Variants in CAMTA1 observed in about 807,000 individuals in gnomAD.
The protein encoded by CAMTA1 is calmodulin binding transcription activator 1.
Under a neutral mutation model 170.9 loss-of-function variants are expected in CAMTA1, and 27 were observed. The observed-to-expected ratio is 0.16, with a 90% CI of 0.12 to 0.22. CAMTA1 has a LOEUF of 0.22. CAMTA1 is among the 10% of genes least tolerant of loss of function. CAMTA1 has a pLI of 1.00. For synonymous variants in CAMTA1, 833 were observed against 891.5 expected, an observed-to-expected ratio of 0.93 and a Z score of 1.17; for missense variants, 1,619 against 2,217.2, an observed-to-expected ratio of 0.73 and a Z score of 5.42.
rs183068821 is a variant in CAMTA1, at chr1:6,830,188, C to G, written c.234+4978C>G. On this transcript the variant is annotated intron_variant, in intron 3 of 22. Coordinates refer to ENST00000303635, the MANE Select transcript of CAMTA1 (RefSeq NM_015215.4). ...CGTAGCTAGGACTACAGGCGCCCAC[C>G]ACCATGCCGGGCTAGTTTTTTATAT... Among the ~76,000 whole-genome samples the G allele has an allele frequency of 5.0e-3, 763 of 151,968 alleles. 2 individuals carry two copies. Among genetic ancestry groups the G allele is most frequent in the Non-Finnish European group, 7.9e-3 (536 of 67,976 alleles).
chr1:7,364,210 A>T (rs2085786355), intron 5 of CAMTA1, among the ~76,000 whole-genome samples: 1 of 152,226 alleles, frequency 6.6e-6, no homozygotes, highest in South Asian at 2.1e-4. Context: ...TCCTGAGGAC[A>T]CTGCAGGCAG....
chr1:7,561,148 G>A lies in CAMTA1; in HGVS notation c.511-79252G>A, dbSNP rs1409421400. On this transcript the variant is annotated intron_variant, in intron 6 of 22. Transcript: ENST00000303635. The surrounding 1 kb of genome is among the most constrained non-coding windows in gnomAD (Gnocchi z 5.3). ...ATCCAGGCATGGCCAGGGGCTGGCC[G>A]AGGGGGGCCGGTGGGTGGTGAATGA... 2.0e-5 allele frequency among the ~76,000 whole-genome samples: 3 copies of A among 152,238 alleles called. No homozygotes were observed. Among genetic ancestry groups the A allele is most frequent in the South Asian group, 2.1e-4 (1 of 4,826 alleles).
intron 6 of CAMTA1, among the ~76,000 whole-genome samples, chr1:7,528,548 G>A (rs1362071385): frequency 1.3e-5 from 2 of 152,088 alleles, no homozygotes; most frequent in Non-Finnish European, 2.9e-5. Context: ...GCTGGTATCT[G>A]ACTTTTGCTG....
intron 6 of CAMTA1, among the ~76,000 whole-genome samples, chr1:7,559,192 G>A (rs933189691): frequency 1.3e-5 from 2 of 152,196 alleles, no homozygotes; most frequent in Non-Finnish European, 2.9e-5. Flanking sequence ...AGGGGCCCGA[G>A]TGGTAGCCAT....
At chr1:7,549,231 T>C (rs2094764235) in intron 6 of CAMTA1, among the ~76,000 whole-genome samples, 1 of 145,354 alleles carries the variant, frequency 6.9e-6, no homozygotes, top group African/African-American at 2.6e-5. Flanking sequence ...GAGGCACCCA[T>C]GCAGGGTCCC....
intron 3 of CAMTA1, among the ~76,000 whole-genome samples, chr1:6,925,105 G>A (rs1318952825): frequency 6.6e-6 from 1 of 152,250 alleles, no homozygotes; most frequent in Non-Finnish European, 1.5e-5. Context: ...TTGCACACTG[G>A]GCAGTGGGCA....
At chr1:6,847,176 C>T (rs1380172418) in intron 3 of CAMTA1, among the ~76,000 whole-genome samples, 1 of 151,410 alleles carries the variant, frequency 6.6e-6, no homozygotes, top group Admixed American at 6.6e-5. Flanking sequence ...GCTTATTTTT[C>T]TACTTTTTAG....
chr1:7,407,357 G>C (rs1284817062), intron 5 of CAMTA1, among the ~76,000 whole-genome samples: 1 of 152,162 alleles, frequency 6.6e-6, no homozygotes, highest in Non-Finnish European at 1.5e-5. Context: ...TGTCTTGGGG[G>C]ACCACAGACA....
chr1:6,992,049 T>G (rs1696466636), intron 3 of CAMTA1, among the ~76,000 whole-genome samples: 2 of 151,378 alleles, frequency 1.3e-5, no homozygotes, highest in Non-Finnish European at 2.9e-5. Context: ...AATTTTACAT[T>G]TTGCTGAAAT....
chr1:7,658,852 AT>A (rs1369765380), intron 7 of CAMTA1, among the ~76,000 whole-genome samples: 1 of 152,138 alleles, frequency 6.6e-6, no homozygotes, highest in Non-Finnish European at 1.5e-5. Context: ...GCTTAGGGGG[AT>A]GCTGGAGAAT....
chr1:7,613,912 T>G (rs1018861882), intron 6 of CAMTA1, among the ~76,000 whole-genome samples: 2 of 60,030 alleles, frequency 3.3e-5, no homozygotes, highest in African/African-American at 6.6e-5. Flanking sequence ...GAGTGTCAGG[T>G]GGGAGGAGAG....
chr1:7,246,969 G>A (rs1665912904), intron 4 of CAMTA1, among the ~76,000 whole-genome samples: 1 of 152,036 alleles, frequency 6.6e-6, no homozygotes, highest in Non-Finnish European at 1.5e-5. Context: ...TTTCTGGGAC[G>A]GCAGTACGGC....
intron 6 of CAMTA1, among the ~76,000 whole-genome samples, chr1:7,602,069 T>G (rs2095449431): frequency 7.4e-6 from 1 of 134,652 alleles, no homozygotes. Flanking sequence ...GGAGGAGCCT[T>G]TCCAATTTTC....
intron 3 of CAMTA1, among the ~76,000 whole-genome samples, chr1:6,995,295 CTTT>C (rs765139922): frequency 0.018 from 1,101 of 60,464 alleles, 2 homozygotes; most frequent in African/African-American, 0.073. Context: ...TTTTTCTTTT[CTTT>C]TTTTTTTTTT....
intron 4 of CAMTA1, among the ~76,000 whole-genome samples, chr1:7,184,522 TAAAAAAAG>T (rs1032804721): frequency 6.6e-6 from 1 of 151,888 alleles, no homozygotes; most frequent in Non-Finnish European, 1.5e-5. Context: ...AATTAAAAAT[TAAAAAAAG>T]TAAAAAAGTA....
In CAMTA1 at chr1:7,460,334, G is replaced by A. The variant is rs530710251; in HGVS notation, c.439-7496G>A. Among the ~76,000 whole-genome samples the A allele has an allele frequency of 5.3e-5, 8 of 152,324 alleles. No individual in the cohort carries two copies. In the East Asian group the frequency reaches 1.4e-3, roughly 26 times the overall value. On this transcript the variant is annotated intron_variant, in intron 5 of 22. Coordinates refer to ENST00000303635, the MANE Select transcript of CAMTA1 (RefSeq NM_015215.4). ...ATGAAAAGGGGACACTTCATCCTCC[G>A]GGCTGATCCTGCCCCCTCGGTACTC...
chr1:7,557,151 A>G (rs1406279821), intron 6 of CAMTA1, among the ~76,000 whole-genome samples: 1 of 151,958 alleles, frequency 6.6e-6, no homozygotes, highest in East Asian at 1.9e-4. Flanking sequence ...CTACTAAAAT[A>G]CAAAAAATTA....
intron 7 of CAMTA1, among the ~76,000 whole-genome samples, chr1:7,647,064 G>A (rs1259439830): frequency 6.6e-6 from 1 of 152,196 alleles, no homozygotes; most frequent in Non-Finnish European, 1.5e-5. Context: ...CAGTGGCAGA[G>A]AAATCTGCTC....
At chr1:7,676,634 G>C (rs2096123633) in intron 10 of CAMTA1, among the ~76,000 whole-genome samples, 1 of 152,386 alleles carries the variant, frequency 6.6e-6, no homozygotes, top group South Asian at 2.1e-4. Context: ...CTCCCTGGAA[G>C]TCTGTACTGG....
Sources: gnomAD v4.1 joint callset for allele counts (sites outside exome capture counted in the v4.1 genomes callset) on GRCh38, gnomAD v4.1.1 for gene constraint, Gnocchi (gnomAD v3.1) non-coding constraint, MANE v1.5 for transcripts, NCBI Gene and HGNC (gene_info 2026-07-23, HGNC 2026-07-21) for gene names.